Variants in TRDN observed in about 807,000 individuals in gnomAD.
The protein encoded by TRDN is triadin in skeletal muscle.
In TRDN, 161 loss-of-function variants were observed where a neutral mutation model predicts 149.7. The observed-to-expected ratio is 1.08, with a 90% CI of 0.95 to 1.23. The LOEUF (loss-of-function observed/expected upper bound fraction) is 1.23, where lower values mean the gene tolerates loss of function less well. TRDN is among the 50% of genes most tolerant of loss of function. The probability of loss-of-function intolerance (pLI) is 0.00; values close to 1 mark genes in which losing one functional copy is unlikely to be tolerated. For synonymous variants in TRDN, 294 were observed against 250.5 expected (o/e 1.17, Z -1.64); for missense variants, 896 against 823.5 (o/e 1.09, Z -1.08).
chr6:123,564,001 TA>T (rs1467202390), intron 2 of TRDN, among the ~76,000 whole-genome samples: 1 of 152,202 alleles, frequency 6.6e-6, no homozygotes, highest in Non-Finnish European at 1.5e-5. Context: ...ATTTTAAGAC[TA>T]AAAATGTAGG....
intron 12 of TRDN, among the ~76,000 whole-genome samples, chr6:123,415,407 A>AC (rs1356047083): frequency 6.6e-6 from 1 of 152,188 alleles, no homozygotes; most frequent in Admixed American, 6.5e-5. Flanking sequence ...TAACGTTAGA[A>AC]CCATTAGAGT....
intron 4 of TRDN, among the ~76,000 whole-genome samples, chr6:123,543,848 T>G (rs1780976276): frequency 6.6e-6 from 1 of 152,106 alleles, no homozygotes; most frequent in Non-Finnish European, 1.5e-5. Flanking sequence ...GGTTTTCATC[T>G]TTCTCTTTTC....
At chr6:123,499,892 G>A (rs1778625129) in intron 8 of TRDN, among the ~76,000 whole-genome samples, 1 of 150,434 alleles carries the variant, frequency 6.6e-6, no homozygotes, top group Non-Finnish European at 1.5e-5. Flanking sequence ...ATGATTTAAT[G>A]TATACAAGAG....
At chr6:123,390,108 G>T (rs1395018488) in intron 13 of TRDN, among the ~76,000 whole-genome samples, 1 of 152,076 alleles carries the variant, frequency 6.6e-6, no homozygotes, top group South Asian at 2.1e-4. Flanking sequence ...CCCCCTCGAA[G>T]GAGCTCTGGT....
intron 23 of TRDN, among the ~76,000 whole-genome samples, chr6:123,327,418 ATG>A (rs1233720170): frequency 6.6e-6 from 1 of 152,150 alleles, no homozygotes; most frequent in Non-Finnish European, 1.5e-5. Flanking sequence ...TATTTTTTAT[ATG>A]AATCTATACA....
intron 10 of TRDN, among the ~76,000 whole-genome samples, chr6:123,461,523 T>C (rs1301669871): frequency 1.3e-5 from 2 of 152,204 alleles, no homozygotes; most frequent in African/African-American, 4.8e-5. Flanking sequence ...AATTTTATAC[T>C]AAATGCCCAA....
intron 15 of TRDN, 83 bp downstream of exon 15, chr6:123,382,035 T>A: frequency 1.9e-6 from 2 of 1,037,548 alleles, no homozygotes; most frequent in South Asian, 5.0e-5. Context: ...CATAATTCTT[T>A]CTTCTACATC....
At chr6:123,238,656 T>G (rs79397797) in intron 38 of TRDN, among the ~76,000 whole-genome samples, 8,239 of 152,168 alleles carry the variant, frequency 0.054, 666 homozygotes, top group African/African-American at 0.19. Context: ...AAAGATCATT[T>G]TAGTATACAA....
chr6:123,235,216 A>T (rs1775741514), intron 38 of TRDN, among the ~76,000 whole-genome samples: 1 of 152,132 alleles, frequency 6.6e-6, no homozygotes, highest in Admixed American at 6.6e-5. Flanking sequence ...AGTCTCTCAG[A>T]TAGCCAATAG....
At chr6:123,482,443 C>G (rs1463000481) in intron 9 of TRDN, among the ~76,000 whole-genome samples, 1 of 152,154 alleles carries the variant, frequency 6.6e-6, no homozygotes, top group Non-Finnish European at 1.5e-5. Flanking sequence ...TGGAAGTCAT[C>G]CAATCTCTCT....
At chr6:123,285,452 A>G (rs1227955198) in intron 24 of TRDN, among the ~76,000 whole-genome samples, 1 of 152,122 alleles carries the variant, frequency 6.6e-6, no homozygotes, top group Non-Finnish European at 1.5e-5. Flanking sequence ...CACCCTATTC[A>G]ACAAATGGTG....
chr6:123,218,661 G>A lies in TRDN; in HGVS notation c.2130C>T (p.Asp710=). The A allele has an allele frequency of 1.2e-6, 2 of 1,610,018 alleles. No individual in the cohort carries two copies. The highest frequency in any genetic ancestry group is 1.7e-6 in the Non-Finnish European group (2 of 1,177,706). ...YGFQFPFTPA[D]RPGESSGQAN... ...CTTGACCAGAGCTCTCTCCAGGGCG[G>A]TCTGCAGGAGTGAAAGGAAACTGAA... Residue 710 remains aspartate (D), a synonymous_variant, in exon 41 of 41, where the codon GAC becomes GAT. Coordinates refer to ENST00000334268, the MANE Select transcript of TRDN (RefSeq NM_006073.4).
intron 16 of TRDN, among the ~76,000 whole-genome samples, chr6:123,378,851 C>T (rs1322351714): frequency 6.6e-6 from 1 of 152,078 alleles, no homozygotes; most frequent in Admixed American, 6.6e-5. Context: ...CGTTTCTTTT[C>T]AGGAATCTAC....
At chr6:123,390,105 G>A (rs1047131588) in intron 13 of TRDN, among the ~76,000 whole-genome samples, 5 of 152,058 alleles carry the variant, frequency 3.3e-5, no homozygotes, top group Non-Finnish European at 7.4e-5. Context: ...TTACCCCCTC[G>A]AAGGAGCTCT....
intron 13 of TRDN, among the ~76,000 whole-genome samples, chr6:123,389,949 C>G (rs528969616): frequency 6.6e-6 from 1 of 152,232 alleles, no homozygotes; most frequent in African/African-American, 2.4e-5. Flanking sequence ...CTGAGTTTGA[C>G]TCAACAGACT....
intron 14 of TRDN, among the ~76,000 whole-genome samples, chr6:123,385,990 C>T (rs951879981): frequency 1.3e-5 from 2 of 152,102 alleles, no homozygotes; most frequent in African/African-American, 2.4e-5. Flanking sequence ...GGTACCTATT[C>T]ATATTTCTTC....
At chr6:123,320,482 C>G (rs566071430) in intron 23 of TRDN, among the ~76,000 whole-genome samples, 1 of 151,914 alleles carries the variant, frequency 6.6e-6, no homozygotes, top group Admixed American at 6.6e-5. Context: ...TTACATAATC[C>G]TTACATACCA....
intron 9 of TRDN, among the ~76,000 whole-genome samples, chr6:123,491,662 A>C (rs59741503): frequency 0.043 from 6,598 of 152,248 alleles, 432 homozygotes; most frequent in African/African-American, 0.14. Flanking sequence ...TATCCTTTTT[A>C]ATACAATTAT....
intron 9 of TRDN, among the ~76,000 whole-genome samples, chr6:123,490,217 A>T (rs955615923): frequency 1.3e-5 from 2 of 152,232 alleles, no homozygotes; most frequent in African/African-American, 4.8e-5. Flanking sequence ...GTTCCCTCTT[A>T]TCCATAAAAA....
Sources: allele counts gnomAD v4.1 joint callset (sites outside exome capture counted in the v4.1 genomes callset), GRCh38; gene constraint gnomAD v4.1.1; transcripts MANE v1.5; gene names NCBI Gene and HGNC (gene_info 2026-07-23, HGNC 2026-07-21).